The following ARHGEF10L variants were observed in gnomAD, a reference collection of about 807,000 sequenced individuals.
ARHGEF10L encodes the protein rho guanine nucleotide exchange factor 10-like protein.
In ARHGEF10L, 69 loss-of-function variants were observed where a neutral mutation model predicts 141.2. That is an observed-to-expected ratio of 0.49 (90% CI 0.40 to 0.60). ARHGEF10L has a LOEUF of 0.60. Ranked by LOEUF, ARHGEF10L falls within the 20% of genes least tolerant of loss-of-function variation. The probability of loss-of-function intolerance (pLI) is 0.00; values close to 1 mark genes in which losing one functional copy is unlikely to be tolerated. For synonymous variants in ARHGEF10L, 711 were observed against 718.5 expected, an observed-to-expected ratio of 0.99 and a Z score of 0.17; for missense variants, 1,482 against 1,734.3, an observed-to-expected ratio of 0.85 and a Z score of 2.58.
chr1:17,570,279 T>C (rs1220482155), intron 1 of ARHGEF10L, among the ~76,000 whole-genome samples: 1 of 152,194 alleles, frequency 6.6e-6, no homozygotes, highest in Non-Finnish European at 1.5e-5. Context: ...GCCAGAGGTG[T>C]TAAATCCTGT....
At chr1:17,668,329 G>T (rs2063109144) in intron 26 of ARHGEF10L, among the ~76,000 whole-genome samples, 3 of 152,200 alleles carry the variant, frequency 2.0e-5, no homozygotes, top group Non-Finnish European at 2.9e-5. Flanking sequence ...CCTTCCTCCT[G>T]CCGACAGCTG....
At chr1:17,653,556 C>T (rs535176009) in intron 22 of ARHGEF10L, among the ~76,000 whole-genome samples, 40 of 152,214 alleles carry the variant, frequency 2.6e-4, no homozygotes, top group Non-Finnish European at 4.4e-4. Context: ...TAGATGCTGC[C>T]ACCAGGAAGC....
the ARHGEF10L span, among the ~76,000 whole-genome samples, chr1:17,529,495 G>A: frequency 6.6e-6 from 1 of 152,252 alleles, no homozygotes; most frequent in Non-Finnish European, 1.5e-5. Context: ...TGCTGTGGAT[G>A]CTAGCCATGC....
intron 26 of ARHGEF10L, among the ~76,000 whole-genome samples, chr1:17,680,586 A>C (rs2064045148): frequency 6.6e-6 from 1 of 152,084 alleles, no homozygotes; most frequent in African/African-American, 2.4e-5. Context: ...ATTCCAGGTC[A>C]CAGTGCGCCA....
the ARHGEF10L span, among the ~76,000 whole-genome samples, chr1:17,525,006 C>T: frequency 6.6e-6 from 1 of 152,206 alleles, no homozygotes; most frequent in Non-Finnish European, 1.5e-5. Context: ...GACCCCCTTC[C>T]CCCATCCTTC....
At chr1:17,566,444 T>C (rs2077759340) in intron 1 of ARHGEF10L, among the ~76,000 whole-genome samples, 1 of 152,248 alleles carries the variant, frequency 6.6e-6, no homozygotes, top group African/African-American at 2.4e-5. Context: ...AATCCAATAC[T>C]GTCTCCCTCC....
Position 17,623,115 on chromosome 1 carries a change from G to C in ARHGEF10L, c.1140G>C (p.Leu380=). 6.2e-7 allele frequency: 1 copy of C among 1,614,172 alleles called. No homozygotes were observed. The highest frequency in any genetic ancestry group is 1.1e-5 in the South Asian group (1 of 91,082). Reference sequence around the variant, plus strand: ...GCCACTCCATGTTCCAGATCGCCCTGTCCTCCCGCGTGGCTGAGTGGGATT... The same window carrying C: ...GCCACTCCATGTTCCAGATCGCCCTCTCCTCCCGCGTGGCTGAGTGGGATT... ...LHCHSMFQIA[L]SSRVAEWDST... Residue 380 remains leucine (L), a synonymous_variant, in exon 12 of 29, where the codon CTG becomes CTC. Coordinates refer to ENST00000361221, the MANE Select transcript of ARHGEF10L (RefSeq NM_018125.4). The surrounding 1 kb of genome is among the most constrained non-coding windows in gnomAD (Gnocchi z 4.7).
intron 2 of ARHGEF10L, among the ~76,000 whole-genome samples, chr1:17,580,955 G>A (rs1270848807): frequency 1.3e-5 from 2 of 152,104 alleles, no homozygotes; most frequent in African/African-American, 4.8e-5. Flanking sequence ...GGAGAGGGTT[G>A]CGCCATAGGG....
Position 17,539,939 on chromosome 1 carries a change from C to G in ARHGEF10L, c.-55C>G, listed in dbSNP as rs960039499. ...GGCGCGGACGACAAAGGCGCGGGCC[C>G]GGGCAGCCGAGGTGGGTGAGTGAGC... On this transcript the variant is annotated 5_prime_UTR_variant, in exon 1 of 29. Coordinates refer to ENST00000361221, the MANE Select transcript of ARHGEF10L (RefSeq NM_018125.4). The surrounding 1 kb of genome is among the most constrained non-coding windows in gnomAD (Gnocchi z 6.0). The G allele has an allele frequency of 6.6e-6, 1 of 151,486 alleles. No homozygotes were observed. Among genetic ancestry groups the G allele is most frequent in the Non-Finnish European group, 1.5e-5 (1 of 67,820 alleles). 9.4% of individuals were successfully genotyped at this position (151,486 alleles called of 1,614,324 possible).
At chr1:17,638,247 T>C (rs1225482882) in intron 19 of ARHGEF10L, among the ~76,000 whole-genome samples, 1 of 152,218 alleles carries the variant, frequency 6.6e-6, no homozygotes, top group Non-Finnish European at 1.5e-5. Context: ...CTGTGGGGCC[T>C]TTGTTTGTTC....
intron 11 of ARHGEF10L, 131 bp downstream of exon 11, chr1:17,622,072 A>T: frequency 1.2e-6 from 1 of 856,440 alleles, no homozygotes; most frequent in Non-Finnish European, 1.9e-6. Flanking sequence ...GCACTGCTTT[A>T]TGGGGACAGT....
At chr1:17,606,829 C>T (rs965594327) in intron 6 of ARHGEF10L, among the ~76,000 whole-genome samples, 3 of 152,170 alleles carry the variant, frequency 2.0e-5, no homozygotes, top group African/African-American at 7.2e-5. Flanking sequence ...CCCTGTGTTC[C>T]GGCCTCGGGA....
At chr1:17,556,078 T>TAA (rs2077297005) in intron 1 of ARHGEF10L, among the ~76,000 whole-genome samples, 1 of 86,812 alleles carries the variant, frequency 1.2e-5, no homozygotes, top group Non-Finnish European at 2.3e-5. Context: ...AGCACGGGGG[T>TAA]GGGCCTGGGA....
intron 26 of ARHGEF10L, among the ~76,000 whole-genome samples, chr1:17,681,909 G>C (rs2064153767): frequency 6.6e-6 from 1 of 151,750 alleles, no homozygotes; most frequent in Non-Finnish European, 1.5e-5. Context: ...CTTCTGCATT[G>C]ACTAGTTGTC....
At chr1:17,620,199 C>CTGTG (rs1437715402) in intron 10 of ARHGEF10L, among the ~76,000 whole-genome samples, 1 of 121,702 alleles carries the variant, frequency 8.2e-6, no homozygotes, top group African/African-American at 3.0e-5. Flanking sequence ...GAGTGAGACT[C>CTGTG]TGTCTCAAAA....
chr1:17,525,224 T>G, the ARHGEF10L span, among the ~76,000 whole-genome samples: 5 of 152,276 alleles, frequency 3.3e-5, no homozygotes, highest in African/African-American at 1.2e-4. Context: ...GTAGTGCCCC[T>G]GCCCACCTTC....
chr1:17,587,449 C>G lies in ARHGEF10L; in HGVS notation c.38-11C>G. 2 of 1,609,198 alleles carry G rather than the reference C, an allele frequency of 1.2e-6. No individual in the cohort carries two copies. Among genetic ancestry groups the G allele is most frequent in the Non-Finnish European group, 1.7e-6 (2 of 1,177,824 alleles). ...GATCCTGCAGCCTGGCCAACTCCTT[C>G]TCTCTTCCAGGAGATCAGCTGGTTC... On this transcript the variant is annotated splice_polypyrimidine_tract_variant and intron_variant, in intron 2 of 28. Transcript: ENST00000361221.
Position 17,625,907 on chromosome 1 carries a change from G to A in ARHGEF10L, c.1318-49G>A. The A allele has an allele frequency of 6.5e-7, 1 of 1,539,736 alleles. No homozygotes were observed. Among genetic ancestry groups the A allele is most frequent in the Non-Finnish European group, 9.0e-7 (1 of 1,114,554 alleles). The stretch of plus-strand genomic sequence containing the variant: ...ACAGTGTCTGGACTCTGGGGCACTG[G>A]GCCCTCTCTGCAGGGGGTCAGCGAA... On this transcript the variant is annotated intron_variant, in intron 13 of 28. Coordinates refer to ENST00000361221, the MANE Select transcript of ARHGEF10L (RefSeq NM_018125.4). The surrounding 1 kb of genome is among the most constrained non-coding windows in gnomAD (Gnocchi z 4.5).
intron 3 of ARHGEF10L, among the ~76,000 whole-genome samples, 194 bp downstream of exon 3, chr1:17,587,839 T>A (rs1323400040): frequency 6.6e-6 from 1 of 152,204 alleles, no homozygotes; most frequent in East Asian, 1.9e-4. Context: ...TCCTGCAACA[T>A]CTGGCGCACT....
Sources: gnomAD v4.1 joint callset for allele counts (sites outside exome capture counted in the v4.1 genomes callset) on GRCh38, gnomAD v4.1.1 for gene constraint, Gnocchi (gnomAD v3.1) non-coding constraint, MANE v1.5 for transcripts, NCBI Gene and HGNC (gene_info 2026-07-23, HGNC 2026-07-21) for gene names.